CKAP5: variants seen among roughly 807,000 people sequenced by gnomAD.
The protein encoded by CKAP5 is cytoskeleton associated protein 5, also known as cytoskeleton-associated protein 5.
In CKAP5, 27 loss-of-function variants were observed where a neutral mutation model predicts 232.8. The observed-to-expected ratio is 0.12, with a 90% CI of 0.09 to 0.16. The LOEUF (loss-of-function observed/expected upper bound fraction) is 0.16. Among genes scored for constraint, CKAP5 ranks in the 10% least tolerant of loss-of-function variants. The pLI is 1.00. For missense variants in CKAP5, 1,838 were observed against 2,424.7 expected (o/e 0.76, Z 5.08); for synonymous variants, 785 against 841.1 (o/e 0.93, Z 1.16).
At position 46,751,037 on chromosome 11, in the gene CKAP5, T is replaced by C. The variant is rs1370423630; in HGVS notation, c.5460+81A>G. 5.2e-6 allele frequency: 8 copies of C among 1,546,790 alleles called. No individual in the cohort carries two copies. In the East Asian group the frequency reaches 1.8e-4, roughly 35 times the overall value. On this transcript the variant is annotated intron_variant, in intron 40 of 43. Transcript: ENST00000529230. ...CTTCACCTTGGACCTTCGGAAAGCATATCCTGGTGACCTACACCTTAGATA... is the reference window on the plus strand; with the variant it reads ...CTTCACCTTGGACCTTCGGAAAGCACATCCTGGTGACCTACACCTTAGATA...
At chr11:46,793,876 G>A (rs868667423) in intron 13 of CKAP5, among the ~76,000 whole-genome samples, 106 of 151,958 alleles carry the variant, frequency 7.0e-4, no homozygotes, top group African/African-American at 2.1e-3. Flanking sequence ...GCAGTGAGCC[G>A]AGATTGTGCC....
rs1202294123 is a variant in CKAP5, at chr11:46,816,376, C to A, written c.280G>T (p.Val94Leu). The A allele has an allele frequency of 6.2e-7, 1 of 1,614,020 alleles. No individual in the cohort carries two copies. The highest frequency in any genetic ancestry group is 8.5e-7 in the Non-Finnish European group (1 of 1,180,006). The change falls in exon 4 of 44, where the codon GTA (valine) becomes TTA (leucine). Residue 94 changes from valine (V) to leucine (L), a missense_variant. Physicochemically the swap from Val to Leu is conservative, Grantham distance 32. This residue lies in a region of CKAP5 where 285 missense variants were observed against 300.0 expected (regional missense o/e 0.95). Coordinates refer to ENST00000529230, the MANE Select transcript of CKAP5 (RefSeq NM_001008938.4). ...TTAGGTTGATTGAACACCTTACTTA[C>A]AACACCTGACACAACTTCTCCTGTG... ...KTTGEVVSGV[V>L]SKVFNQPKAK...
intron 16 of CKAP5, 56 bp from the exon 17 acceptor site, chr11:46,784,729 T>C: frequency 7.5e-7 from 1 of 1,334,782 alleles, no homozygotes; most frequent in Non-Finnish European, 1.1e-6. Flanking sequence ...TTTATTTATT[T>C]ACTTGTATTA....
At chr11:46,818,859 A>G (rs1391511441) in intron 2 of CKAP5, among the ~76,000 whole-genome samples, 1 of 152,170 alleles carries the variant, frequency 6.6e-6, no homozygotes, top group Non-Finnish European at 1.5e-5. Context: ...CCCCGTCTCC[A>G]AAGTATATGC....
intron 1 of CKAP5, among the ~76,000 whole-genome samples, chr11:46,840,350 G>C (rs1320153542): frequency 6.6e-6 from 1 of 152,098 alleles, no homozygotes; most frequent in Non-Finnish European, 1.5e-5. Context: ...TGGTTCACCA[G>C]TGTATTCCCT....
intron 14 of CKAP5, 83 bp downstream of exon 14, chr11:46,790,387 G>T: frequency 9.5e-7 from 1 of 1,049,284 alleles, no homozygotes; most frequent in Non-Finnish European, 1.5e-6. Context: ...GTACGTTGTA[G>T]AACCCAGCAA....
intron 11 of CKAP5, among the ~76,000 whole-genome samples, chr11:46,797,385 A>G (rs1433638402): frequency 1.5e-5 from 2 of 136,768 alleles, no homozygotes; most frequent in Non-Finnish European, 3.1e-5. Context: ...CAAAAACAAC[A>G]ACAACAAAAA....
At chr11:46,781,346 C>A (rs913086842) in intron 18 of CKAP5, among the ~76,000 whole-genome samples, 1 of 152,150 alleles carries the variant, frequency 6.6e-6, no homozygotes, top group African/African-American at 2.4e-5. Context: ...AGGATTATTC[C>A]AATAGCCTAC....
At position 46,747,495 on chromosome 11, in the gene CKAP5, G is replaced by A. The variant is rs376192686; in HGVS notation, c.5704+2779C>T. Among the ~76,000 whole-genome samples, 12 of 151,958 alleles carry A rather than the reference G, an allele frequency of 7.9e-5. No individual in the cohort carries two copies. The East Asian group carries it at 1.7e-3, about 22-fold the overall frequency. ...TGCACGTCTATAATCCCAGCTACTC[G>A]GGAAGCTGAGGCAAGAGAATCTCTT... is the stretch of plus-strand genomic sequence containing the variant. On this transcript the variant is annotated intron_variant, in intron 42 of 43. Coordinates refer to ENST00000529230, the MANE Select transcript of CKAP5 (RefSeq NM_001008938.4).
chr11:46,824,664 C>G (rs886747135), intron 1 of CKAP5, among the ~76,000 whole-genome samples: 1 of 152,076 alleles, frequency 6.6e-6, no homozygotes, highest in African/African-American at 2.4e-5. Flanking sequence ...CCAAATGGTC[C>G]AGCTGCTGTG....
chr11:46,808,290 C>A (rs1939201204), intron 7 of CKAP5, 146 bp from the exon 8 acceptor site: 1 of 543,698 alleles, frequency 1.8e-6, no homozygotes, highest in Non-Finnish European at 3.2e-6. Flanking sequence ...GCCTGTAATC[C>A]CAGCACTTTG....
At chr11:46,782,115 G>GCGCC (rs1484615562) in intron 18 of CKAP5, among the ~76,000 whole-genome samples, 3 of 152,016 alleles carry the variant, frequency 2.0e-5, no homozygotes, top group Non-Finnish European at 4.4e-5. Flanking sequence ...ATGAGCCACC[G>GCGCC]CGCCCGGCCT....
intron 42 of CKAP5, among the ~76,000 whole-genome samples, chr11:46,747,600 T>C (rs1367139244): frequency 3.3e-4 from 38 of 113,792 alleles, no homozygotes; most frequent in African/African-American, 1.2e-3. Context: ...AGACTTCATC[T>C]CAAAAAAAAA....
intron 35 of CKAP5, 36 bp downstream of exon 35, chr11:46,758,887 C>T (rs1490524139): frequency 6.2e-7 from 1 of 1,611,358 alleles, no homozygotes; most frequent in South Asian, 1.1e-5. Context: ...TCTATGTCCA[C>T]CAATGGAATC....
At chr11:46,806,672 G>T (rs1335008328) in intron 8 of CKAP5, among the ~76,000 whole-genome samples, 3 of 152,184 alleles carry the variant, frequency 2.0e-5, no homozygotes, top group Non-Finnish European at 4.4e-5. Flanking sequence ...GAAAGCCTAG[G>T]AAGGTTAACT....
rs2134556734 is a variant in CKAP5, at chr11:46,744,196, C to T, written c.5926G>A (p.Asp1976Asn). Residue 1976 changes from aspartate (D) to asparagine (N), a missense_variant, in exon 44 of 44, where the codon GAC becomes AAC. Physicochemically the swap from Asp to Asn is conservative, Grantham distance 23. Around this residue, in one of 6 missense-constraint regions of CKAP5, gnomAD observed 579 missense variants for 843.2 expected, o/e 0.69. Coordinates refer to ENST00000529230, the MANE Select transcript of CKAP5 (RefSeq NM_001008938.4). ...PAVPTVASSTDMLHSKLSQLR... is the reference protein window; with the variant it reads ...PAVPTVASSTNMLHSKLSQLR... ...TGAGAGAGTTTGCTGTGGAGCATGTCTGTGGAAGAGGCGACAGTAGGAACT... is the reference window on the plus strand; with the variant it reads ...TGAGAGAGTTTGCTGTGGAGCATGTTTGTGGAAGAGGCGACAGTAGGAACT... The T allele has an allele frequency of 1.2e-6, 2 of 1,614,084 alleles. No individual in the cohort carries two copies. The highest frequency in any genetic ancestry group is 2.2e-5 in the East Asian group (1 of 44,882).
At chr11:46,771,762 A>T (rs777156483) in intron 24 of CKAP5, among the ~76,000 whole-genome samples, 1 of 152,192 alleles carries the variant, frequency 6.6e-6, no homozygotes, top group Non-Finnish European at 1.5e-5. Flanking sequence ...TTTTGTATGG[A>T]TATAAATTTT....
chr11:46,793,697 C>T (rs531800980), intron 13 of CKAP5, among the ~76,000 whole-genome samples: 3 of 152,120 alleles, frequency 2.0e-5, no homozygotes, highest in Admixed American at 1.3e-4. Context: ...CTGAGGCAGG[C>T]GGATCAACTG....
At position 46,778,536 on chromosome 11, in the gene CKAP5, C is replaced by G; in HGVS notation, c.2497G>C (p.Asp833His). Residue 833 changes from aspartate (D) to histidine (H), a missense_variant, in exon 21 of 44, where the codon GAT (aspartate) becomes CAT (histidine). Transcript: ENST00000529230. ...GISKHSTSGT[D>H]EGEDGDEPDD... ...GGTTCATCTCCATCTTCTCCTTCAT[C>G]TGTACCACTTGTGCTATGCTTGGAA... The G allele has an allele frequency of 2.5e-6, 4 of 1,614,088 alleles. No individual in the cohort carries two copies. The highest frequency in any genetic ancestry group is 3.4e-6 in the Non-Finnish European group (4 of 1,179,968).
Sources: allele counts gnomAD v4.1 joint callset (sites outside exome capture counted in the v4.1 genomes callset), GRCh38; gene constraint gnomAD v4.1.1; regional missense constraint gnomAD v4.1.1; transcripts MANE v1.5; gene names NCBI Gene and HGNC (gene_info 2026-07-23, HGNC 2026-07-21).